The following GON4L variants were observed in gnomAD, a reference collection of about 807,000 sequenced individuals.
The protein encoded by GON4L is gon-4 like.
In GON4L, 87 loss-of-function variants were observed where a neutral mutation model predicts 211.8. The observed-to-expected ratio is 0.41, with a 90% CI of 0.35 to 0.49. GON4L has a LOEUF of 0.49. Among genes scored for constraint, GON4L ranks in the 20% least tolerant of loss-of-function variants. The pLI, the probability that GON4L is intolerant of heterozygous loss-of-function variation, is 0.15. For missense variants in GON4L, 2,155 were observed against 2,659.5 expected, an observed-to-expected ratio of 0.81 and a Z score of 4.17; for synonymous variants, 875 against 962.6, an observed-to-expected ratio of 0.91 and a Z score of 1.68.
intron 25 of GON4L, 117 bp downstream of exon 25, chr1:155,757,774 C>T (rs1329882281): frequency 3.3e-5 from 5 of 151,392 alleles, no homozygotes; most frequent in Non-Finnish European, 4.9e-5. Context: ...TTCATCTCCT[C>T]CAGGAAGCCC....
At chr1:155,767,597 G>A in intron 19 of GON4L, 56 bp from the exon 20 acceptor site, 3 of 1,440,606 alleles carry the variant, frequency 2.1e-6, no homozygotes, top group Middle Eastern at 2.4e-4. Flanking sequence ...ACTGTCCCCT[G>A]TCAGGCTGGT....
intron 17 of GON4L, among the ~76,000 whole-genome samples, chr1:155,774,589 G>A (rs1290797138): frequency 6.6e-6 from 1 of 152,106 alleles, no homozygotes; most frequent in Admixed American, 6.6e-5. Flanking sequence ...TTACAGGCGT[G>A]AGCCACCGCG....
rs185584587 is a variant in GON4L at position 155,766,250 on chromosome 1, C to T, written c.3223G>A (p.Val1075Met). 5.9e-4 allele frequency: 945 copies of T among 1,614,058 alleles called. 4 individuals are homozygous for T. The highest frequency in any genetic ancestry group is 4.5e-3 in the African/African-American group (337 of 74,986). ...SFESPAALPA[V>M]PPEARTSFPL... ...AAGCTTGTCCTGGCCTCAGGGGGCA[C>T]AGCAGGCAGTGCTGCAGGAGACTCA... Residue 1075 changes from valine to methionine, a missense_variant, in exon 21 of 32, where the codon GTG becomes ATG. This residue lies in a region of GON4L where 615 missense variants were observed against 625.7 expected (regional missense o/e 0.98). Coordinates refer to ENST00000368331, the MANE Select transcript of GON4L (RefSeq NM_001282860.2).
upstream of GON4L, among the ~76,000 whole-genome samples, chr1:155,858,870 T>G (rs763434595): frequency 2.0e-5 from 3 of 151,976 alleles, no homozygotes; most frequent in Non-Finnish European, 4.4e-5. Flanking sequence ...ATCTTTGTAT[T>G]TTTAGTAGAG....
rs554650952 is a variant in GON4L, at chr1:155,784,019, G to A, written c.1859C>T (p.Pro620Leu). The change falls in exon 14 of 32, where the codon CCT (proline) becomes CTT (leucine). Residue 620 changes from proline to leucine, a missense_variant. This residue lies in a region of GON4L where 551 missense variants were observed against 854.0 expected (regional missense o/e 0.65). Transcript: ENST00000368331. ...GPEEEECVAEPRPNFNTPQAL... is the reference protein window; with the variant it reads ...GPEEEECVAELRPNFNTPQAL... Reference sequence around the variant, plus strand: ...TTGAGGGGTGTTAAAGTTAGGACGAGGCTCAGCTACACACTCCTCCTCTTC... The same window carrying A: ...TTGAGGGGTGTTAAAGTTAGGACGAAGCTCAGCTACACACTCCTCCTCTTC... The A allele has an allele frequency of 5.0e-6, 8 of 1,614,014 alleles. No homozygotes were observed. The highest frequency in any genetic ancestry group is 1.6e-4 in the Middle Eastern group (1 of 6,062).
Position 155,798,641 on chromosome 1 carries a change from G to A in GON4L, c.1646-3490C>T, listed in dbSNP as rs192813675. 3.3e-3 allele frequency among the ~76,000 whole-genome samples: 440 copies of A among 132,404 alleles called. 2 individuals are homozygous for A. The highest frequency in any genetic ancestry group is 0.016 in the Middle Eastern group (3 of 182). The allele number at this position is 132,404 out of a possible 152,430, so 86.9% of individuals were successfully genotyped here. Reference sequence around the variant, plus strand: ...TCACTGTGTTAGCCAGGATGGTCTCGATCTCCCGACCTCATGATCTGCCTG... The same window carrying A: ...TCACTGTGTTAGCCAGGATGGTCTCAATCTCCCGACCTCATGATCTGCCTG... On this transcript the variant is annotated intron_variant, in intron 11 of 31. Transcript: ENST00000368331.
chr1:155,802,444 C>A (rs1219513057), intron 11 of GON4L, among the ~76,000 whole-genome samples: 1 of 152,112 alleles, frequency 6.6e-6, no homozygotes, highest in African/African-American at 2.4e-5. Flanking sequence ...CAGAATCCAG[C>A]ATATAGAGTA....
chr1:155,811,793 G>A (rs528514579), intron 10 of GON4L, among the ~76,000 whole-genome samples: 146 of 146,884 alleles, frequency 9.9e-4, no homozygotes, highest in Non-Finnish European at 1.6e-3. Context: ...GGCTGGGCGC[G>A]GTGGCTGACG....
chr1:155,832,167 C>A (rs1156249790), intron 2 of GON4L, among the ~76,000 whole-genome samples: 1 of 149,270 alleles, frequency 6.7e-6, no homozygotes, highest in Admixed American at 6.8e-5. Context: ...CCCAGCTACT[C>A]GGGAGGCTGA....
At chr1:155,763,255 C>A in intron 22 of GON4L, 57 bp downstream of exon 22, 1 of 1,569,794 alleles carries the variant, frequency 6.4e-7, no homozygotes, top group South Asian at 1.1e-5. Flanking sequence ...GCACACTGTC[C>A]TCTAGACAAT....
chr1:155,814,463 C>G lies in GON4L; in HGVS notation c.1162-14G>C. On this transcript the variant is annotated splice_polypyrimidine_tract_variant and intron_variant, in intron 8 of 31. Coordinates refer to ENST00000368331, the MANE Select transcript of GON4L (RefSeq NM_001282860.2). ...TTCCAATAAGCTCTACAAAATAAAT[C>G]CAGTTCGCCTTAATATTTATGCCCC... is the stretch of plus-strand genomic sequence containing the variant. 1 of 1,613,058 alleles carries G rather than the reference C, an allele frequency of 6.2e-7. No individual in the cohort carries two copies. The highest frequency in any genetic ancestry group is 8.5e-7 in the Non-Finnish European group (1 of 1,179,256).
rs869274863 is a variant in GON4L, at chr1:155,781,469, TTATTA to T, written c.1892+2512_1892+2516del. 2.0e-4 allele frequency among the ~76,000 whole-genome samples: 31 copies of T among 151,518 alleles called. 1 individual carries two copies. The highest frequency in any genetic ancestry group is 5.1e-4 in the African/African-American group (21 of 41,330). On this transcript the variant is annotated intron_variant, in intron 14 of 31. Coordinates refer to ENST00000368331, the MANE Select transcript of GON4L (RefSeq NM_001282860.2). ...TCTATAATTATTATTATTATTATTA[TTATTA>T]TTTTTTGAGATGGAGTCTTTTTCTC... is the stretch of plus-strand genomic sequence containing the variant.
chr1:155,745,604 G>A (rs2101561551), downstream of GON4L, among the ~76,000 whole-genome samples: 1 of 152,370 alleles, frequency 6.6e-6, no homozygotes, highest in Non-Finnish European at 1.5e-5. Flanking sequence ...GCAACGGCGT[G>A]GCCCGTGGAG....
intron 2 of GON4L, chr1:155,845,873 A>G (rs1451311944): frequency 1.7e-5 from 4 of 240,812 alleles, no homozygotes; most frequent in Non-Finnish European, 3.4e-5. Flanking sequence ...AGCTAAGGAA[A>G]TTGGAGTTAA....
chr1:155,853,198 C>T, intron 2 of GON4L, 78 bp downstream of exon 2: 2 of 1,173,150 alleles, frequency 1.7e-6, no homozygotes, highest in Non-Finnish European at 1.3e-6. Context: ...AGAAATACTA[C>T]TCTGTAAAGG....
At chr1:155,824,762 C>CAAA (rs58791710) in intron 3 of GON4L, among the ~76,000 whole-genome samples, 28 of 51,474 alleles carry the variant, frequency 5.4e-4, no homozygotes, top group South Asian at 1.6e-3. Flanking sequence ...GACTCTGTCG[C>CAAA]AAAAAAAAAA....
Position 155,853,885 on chromosome 1 carries a change from C to A in GON4L, c.-26-79G>T, listed in dbSNP as rs180845990. 7,182 of 903,550 alleles carry A rather than the reference C, an allele frequency of 7.9e-3. 49 individuals are homozygous for A. Among genetic ancestry groups the A allele is most frequent in the Non-Finnish European group, 0.011 (6,182 of 577,262 alleles). The allele number at this position is 903,550 out of a possible 1,614,324, so 56.0% of individuals were successfully genotyped here. The stretch of plus-strand genomic sequence containing the variant: ...TTACTCAATTATCTTTTCATTTATT[C>A]ATGTTCGATCATGAACACAATACTT... On this transcript the variant is annotated intron_variant, in intron 1 of 31. Coordinates refer to ENST00000368331, the MANE Select transcript of GON4L (RefSeq NM_001282860.2).
rs769258925 is a variant in GON4L, at chr1:155,766,373, T to C, written c.3100A>G (p.Lys1034Glu). ...GGGTGAGGAATCCGGAGCACCATTT[T>C]GCTCGGAGGGGCTTCTGAATGAGTT... ...RSTHSEAPPSKMVLRIPHPIQ... is the reference protein window; with the variant it reads ...RSTHSEAPPSEMVLRIPHPIQ... Residue 1034 changes from lysine to glutamate, a missense_variant, in exon 21 of 32, where the codon AAA becomes GAA. This residue lies in a region of GON4L where 615 missense variants were observed against 625.7 expected (regional missense o/e 0.98). Coordinates refer to ENST00000368331, the MANE Select transcript of GON4L (RefSeq NM_001282860.2). The C allele has an allele frequency of 6.2e-7, 1 of 1,614,114 alleles. No individual in the cohort carries two copies. The highest frequency in any genetic ancestry group is 8.5e-7 in the Non-Finnish European group (1 of 1,179,994).
intron 21 of GON4L, 91 bp downstream of exon 21, chr1:155,764,909 C>G (rs923540987): frequency 6.2e-7 from 1 of 1,607,312 alleles, no homozygotes; most frequent in Non-Finnish European, 8.5e-7. Flanking sequence ...TTAGGACTAT[C>G]CATAGTGCAG....
Sources: gnomAD v4.1 joint callset for allele counts (sites outside exome capture counted in the v4.1 genomes callset) on GRCh38, gnomAD v4.1.1 for gene constraint, gnomAD v4.1.1 regional missense constraint, MANE v1.5 for transcripts, NCBI Gene and HGNC (gene_info 2026-07-23, HGNC 2026-07-21) for gene names.